PCYT2: variants seen among roughly 807,000 people sequenced by gnomAD.
PCYT2 encodes the protein phosphate cytidylyltransferase 2, ethanolamine, also known as ethanolamine-phosphate cytidylyltransferase.
A neutral mutation model predicts 50.0 loss-of-function variants in PCYT2; 33 were observed. That is an observed-to-expected ratio of 0.66 (90% CI 0.50 to 0.88). The LOEUF is 0.88. Ranked by LOEUF, PCYT2 falls within the 40% of genes least tolerant of loss-of-function variation. The probability of loss-of-function intolerance (pLI) is 0.00; values close to 1 mark genes in which losing one functional copy is unlikely to be tolerated. For synonymous variants in PCYT2, 240 were observed against 203.7 expected (o/e 1.18, Z -1.52); for missense variants, 430 against 519.7 (o/e 0.83, Z 1.68).
chr17:81,905,234 G>A, intron 11 of PCYT2, 80 bp from the exon 12 acceptor site: 4 of 1,378,536 alleles, frequency 2.9e-6, no homozygotes, highest in Admixed American at 2.0e-5. Flanking sequence ...GCCCCAGAGG[G>A]AGACCAGCGC....
At chr17:81,911,119 G>T in intron 1 of PCYT2, 148 bp downstream of exon 1, 1 of 1,002,420 alleles carries the variant, frequency 1.0e-6, no homozygotes, top group Non-Finnish European at 1.2e-6. Context: ...CTCCCGGCAG[G>T]CGAGCCCCGC....
In PCYT2 at chr17:81,906,770, G is replaced by C. The variant is rs528044817; in HGVS notation, c.666C>G (p.Phe222Leu). ...AGGCCCAGAGGATACGGAACAGGTCGAAGGCACCAGCCACATAGATGACTG... is the reference window on the plus strand; with the variant it reads ...AGGCCCAGAGGATACGGAACAGGTCCAAGGCACCAGCCACATAGATGACTG... ...GETVIYVAGA[F>L]DLFHIGHVDF... The change falls in exon 7 of 13, where the codon TTC becomes TTG. Residue 222 changes from phenylalanine to leucine, a missense_variant. Around this residue, in one of 4 missense-constraint regions of PCYT2, gnomAD observed 248 missense variants for 300.2 expected, o/e 0.83. Transcript: ENST00000538936. 1 of 1,613,020 alleles carries C rather than the reference G, an allele frequency of 6.2e-7. No individual in the cohort carries two copies. The highest frequency in any genetic ancestry group is 1.3e-5 in the African/African-American group (1 of 75,052).
Position 81,902,292 on chromosome 17 carries a change from G to T in PCYT2, c.*2541C>A. On this transcript the variant is annotated 3_prime_UTR_variant, in exon 13 of 13. Transcript: ENST00000538936. ...CCGGCGTCCCCATGGCCCGGTCCGCGACACTGGCGGCCGCCGCCCTGGCGC... is the reference window on the plus strand; with the variant it reads ...CCGGCGTCCCCATGGCCCGGTCCGCTACACTGGCGGCCGCCGCCCTGGCGC... 7.6e-7 allele frequency: 1 copy of T among 1,320,170 alleles called. No individual in the cohort carries two copies. The highest frequency in any genetic ancestry group is 9.6e-7 in the Non-Finnish European group (1 of 1,041,954). 81.8% of individuals were successfully genotyped at this position (1,320,170 alleles called of 1,614,324 possible). A position where few individuals can be genotyped will look rare whatever the true frequency, so the allele number is the denominator to read the frequency against.
chr17:81,910,894 T>C, intron 1 of PCYT2: 1 of 987,618 alleles, frequency 1.0e-6, no homozygotes, highest in Non-Finnish European at 1.2e-6. Context: ...TCGCACCCGA[T>C]GCCCACCTAC....
chr17:81,907,643 C>T, intron 5 of PCYT2, 45 bp from the exon 6 acceptor site: 3 of 1,605,658 alleles, frequency 1.9e-6, no homozygotes, highest in East Asian at 2.2e-5. Flanking sequence ...GCCCTCCCGG[C>T]GTGGCCACCC....
At chr17:81,911,011 G>A (rs1231697792) in intron 1 of PCYT2, 1 of 996,044 alleles carries the variant, frequency 1.0e-6, no homozygotes, top group Non-Finnish European at 1.2e-6. Flanking sequence ...ATCTCAGCGC[G>A]GTGGCTGCAC....
Position 81,905,523 on chromosome 17 carries a change from C to T in PCYT2, c.904-76G>A, listed in dbSNP as rs372785234. On this transcript the variant is annotated intron_variant, in intron 10 of 12. Coordinates refer to ENST00000538936, the MANE Select transcript of PCYT2 (RefSeq NM_002861.5). Reference sequence around the variant, plus strand: ...GCCACCCACAGCCCAGCACAGGCCCCGGGGGTTGGGAGAGCTGACCCTGCC... The same window carrying T: ...GCCACCCACAGCCCAGCACAGGCCCTGGGGGTTGGGAGAGCTGACCCTGCC... 9.7e-5 allele frequency: 144 copies of T among 1,479,110 alleles called. No homozygotes were observed. The African/African-American group carries it at 1.2e-3, about 12-fold the overall frequency. 91.6% of individuals were successfully genotyped at this position (1,479,110 alleles called of 1,614,324 possible). A position where few individuals can be genotyped will look rare whatever the true frequency, so the allele number is the denominator to read the frequency against.
At chr17:81,905,034 G>T (rs77809114) in intron 12 of PCYT2, 32 bp downstream of exon 12, 1 of 1,603,194 alleles carries the variant, frequency 6.2e-7, no homozygotes, top group South Asian at 1.1e-5. Flanking sequence ...GCGCCCATGA[G>T]GCGGCTCCGA....
rs905534899 is a variant in PCYT2 at position 81,901,189 on chromosome 17, C to A, written c.*3644G>T. ...AAAAGCTGAAGAACCTGGAGGCCGA[C>A]GTGCGAGGGCGGGAAGCATCCAGCA... On this transcript the variant is annotated 3_prime_UTR_variant, in exon 13 of 13. Transcript: ENST00000538936. 1 of 152,202 alleles carries A rather than the reference C, an allele frequency of 6.6e-6. No individual in the cohort carries two copies. Among genetic ancestry groups the A allele is most frequent in the Non-Finnish European group, 1.5e-5 (1 of 68,034 alleles). The allele number at this position is 152,202 out of a possible 1,614,324, so 9.4% of individuals were successfully genotyped here.
chr17:81,910,215 C>T lies in PCYT2; in HGVS notation c.90-613G>A, dbSNP rs767982706. 9.9e-5 allele frequency among the ~76,000 whole-genome samples: 15 copies of T among 152,230 alleles called. No individual in the cohort carries two copies. The East Asian group carries it at 1.2e-3, about 12-fold the overall frequency. On this transcript the variant is annotated intron_variant, in intron 1 of 12. Transcript: ENST00000538936. ...ATTCACAAATCTAGGTCTGCTAACA[C>T]GTGAACTCTCAAGCCCAAAGCTACA...
chr17:81,907,201 C>T (rs1476166887), intron 6 of PCYT2: 4 of 1,531,080 alleles, frequency 2.6e-6, no homozygotes, highest in Non-Finnish European at 2.6e-6. Flanking sequence ...ACTGTCTGGT[C>T]ACCTGGGAGC....
intron 9 of PCYT2, 98 bp downstream of exon 9, chr17:81,906,002 A>T: frequency 9.1e-7 from 1 of 1,098,608 alleles, no homozygotes; most frequent in South Asian, 1.5e-5. Flanking sequence ...TCTGCCAGTG[A>T]CCCAAGCCCC....
At chr17:81,907,641 G>A (rs768899328) in intron 5 of PCYT2, 43 bp from the exon 6 acceptor site, 23 of 1,606,378 alleles carry the variant, frequency 1.4e-5, no homozygotes, top group Middle Eastern at 1.6e-4. Flanking sequence ...CTGCCCTCCC[G>A]GCGTGGCCAC....
At chr17:81,911,067 G>T (rs1425666509) in intron 1 of PCYT2, 200 bp downstream of exon 1, 1 of 1,001,512 alleles carries the variant, frequency 1.0e-6, no homozygotes, top group South Asian at 4.7e-5. Flanking sequence ...AGAGGTAGAC[G>T]GGGTCGCCCA....
chr17:81,907,129 G>A, intron 6 of PCYT2: 1 of 1,283,328 alleles, frequency 7.8e-7, no homozygotes, highest in East Asian at 2.5e-5. Flanking sequence ...CCACCAGGAG[G>A]AGGCAAGGAG....
At chr17:81,906,303 G>T in intron 8 of PCYT2, 126 bp from the exon 9 acceptor site, 1 of 1,073,214 alleles carries the variant, frequency 9.3e-7, no homozygotes, top group Non-Finnish European at 1.4e-6. Context: ...GCCCCAGACA[G>T]GACAGCCCTG....
chr17:81,902,533 C>T lies in PCYT2; in HGVS notation c.*2300G>A, dbSNP rs1041221654. The T allele has an allele frequency of 5.5e-6, 8 of 1,461,618 alleles. No homozygotes were observed. The highest frequency in any genetic ancestry group is 6.3e-6 in the Non-Finnish European group (7 of 1,113,998). The allele number at this position is 1,461,618 out of a possible 1,614,324, so 90.5% of individuals were successfully genotyped here. ...CCCCAGGCTGCGGAGCCTCGTGAGTCCGGCGTGCCGGGGACTGATGGGGGG... is the reference window on the plus strand; with the variant it reads ...CCCCAGGCTGCGGAGCCTCGTGAGTTCGGCGTGCCGGGGACTGATGGGGGG... On this transcript the variant is annotated 3_prime_UTR_variant, in exon 13 of 13. Coordinates refer to ENST00000538936, the MANE Select transcript of PCYT2 (RefSeq NM_002861.5).
Position 81,902,473 on chromosome 17 carries a change from G to A in PCYT2, c.*2360C>T, listed in dbSNP as rs2039991073. On this transcript the variant is annotated 3_prime_UTR_variant, in exon 13 of 13. Transcript: ENST00000538936. ...GCCCTACAGAGGGGCGGAACCCCCGGGCGGGGCCGGCGCCTCCCCGGAGCT... is the reference window on the plus strand; with the variant it reads ...GCCCTACAGAGGGGCGGAACCCCCGAGCGGGGCCGGCGCCTCCCCGGAGCT... 7.2e-7 allele frequency: 1 copy of A among 1,392,068 alleles called. No homozygotes were observed. Among genetic ancestry groups the A allele is most frequent in the Non-Finnish European group, 9.2e-7 (1 of 1,081,964 alleles). The allele number at this position is 1,392,068 out of a possible 1,614,324, so 86.2% of individuals were successfully genotyped here.
chr17:81,902,411 C>G lies in PCYT2; in HGVS notation c.*2422G>C, dbSNP rs926909028. ...GTGGGCCGCGCCGCGGGGCTGCTGT[C>G]CGGCCTCCGCAGGTCCCCGTACGCG... On this transcript the variant is annotated 3_prime_UTR_variant, in exon 13 of 13. Coordinates refer to ENST00000538936, the MANE Select transcript of PCYT2 (RefSeq NM_002861.5). 3 of 1,347,740 alleles carry G rather than the reference C, an allele frequency of 2.2e-6. No individual in the cohort carries two copies. Among genetic ancestry groups the G allele is most frequent in the African/African-American group, 3.1e-5 (2 of 64,852 alleles). The allele number at this position is 1,347,740 out of a possible 1,614,324, so 83.5% of individuals were successfully genotyped here.
Sources: allele counts gnomAD v4.1 joint callset (sites outside exome capture counted in the v4.1 genomes callset), GRCh38; gene constraint gnomAD v4.1.1; regional missense constraint gnomAD v4.1.1; transcripts MANE v1.5; gene names NCBI Gene and HGNC (gene_info 2026-07-23, HGNC 2026-07-21).